The following CSGALNACT2 variants were observed in gnomAD, a reference collection of about 807,000 sequenced individuals.
CSGALNACT2 encodes chondroitin sulfate N-acetylgalactosaminyltransferase 2.
Under a neutral mutation model 55.3 loss-of-function variants are expected in CSGALNACT2, and 35 were observed. The observed-to-expected ratio is 0.63, with a 90% CI of 0.48 to 0.84. CSGALNACT2 has a LOEUF of 0.84. CSGALNACT2 is among the 40% of genes least tolerant of loss of function. The pLI is 0.00. For missense variants in CSGALNACT2, 544 were observed against 657.5 expected, an observed-to-expected ratio of 0.83 and a Z score of 1.89; for synonymous variants, 196 against 224.9, an observed-to-expected ratio of 0.87 and a Z score of 1.15.
chr10:43,168,450 C>CA (rs1372496686), intron 6 of CSGALNACT2, among the ~76,000 whole-genome samples: 1 of 151,052 alleles, frequency 6.6e-6, no homozygotes, highest in Admixed American at 6.6e-5. Flanking sequence ...GACTCCATCT[C>CA]AAAAAAACAA....
At chr10:43,161,635 A>G (rs555513576) in intron 4 of CSGALNACT2, among the ~76,000 whole-genome samples, 1 of 152,288 alleles carries the variant, frequency 6.6e-6, no homozygotes, top group South Asian at 2.1e-4. Flanking sequence ...CTTGATGTAT[A>G]TAGACACAAT....
At chr10:43,154,830 A>G (rs1838958567) in intron 1 of CSGALNACT2, 67 bp from the exon 2 acceptor site, 2 of 253,308 alleles carry the variant, frequency 7.9e-6, no homozygotes, top group South Asian at 8.6e-5. Context: ...AGTTTACTGA[A>G]GCCACAAACA....
Position 43,167,077 on chromosome 10 carries a change from A to G in CSGALNACT2, c.1233A>G (p.Pro411=). Residue 411 remains proline (P), a synonymous_variant, in exon 6 of 8, where the codon CCA becomes CCG. Transcript: ENST00000374466. ...TTGTTTATGCCAACCAGGAAGTGCCACCACCTGTGGAGCAGCAGCTGGTGA... is the reference window on the plus strand; with the variant it reads ...TTGTTTATGCCAACCAGGAAGTGCCGCCACCTGTGGAGCAGCAGCTGGTGA... ...PAIVYANQEV[P]PPVEQQLVHK... The G allele has an allele frequency of 1.2e-6, 2 of 1,611,462 alleles. No individual in the cohort carries two copies. The highest frequency in any genetic ancestry group is 8.5e-7 in the Non-Finnish European group (1 of 1,177,624).
intron 7 of CSGALNACT2, among the ~76,000 whole-genome samples, chr10:43,182,456 A>G (rs574753992): frequency 9.3e-4 from 142 of 152,280 alleles, no homozygotes; most frequent in African/African-American, 2.6e-3. Flanking sequence ...TTCCTTCAGT[A>G]ATTTCATTCA....
chr10:43,157,032 G>A (rs1055798277), intron 2 of CSGALNACT2, among the ~76,000 whole-genome samples: 1 of 152,226 alleles, frequency 6.6e-6, no homozygotes, highest in African/African-American at 2.4e-5. Context: ...ATGCTTTGCA[G>A]TGGCATTGCA....
chr10:43,142,126 C>T (rs1328312754), intron 1 of CSGALNACT2, among the ~76,000 whole-genome samples: 1 of 152,174 alleles, frequency 6.6e-6, no homozygotes, highest in Non-Finnish European at 1.5e-5. Flanking sequence ...GTATGGCTGG[C>T]TGCCTGTTTT....
At chr10:43,143,638 G>A (rs1838681525) in intron 1 of CSGALNACT2, among the ~76,000 whole-genome samples, 1 of 152,034 alleles carries the variant, frequency 6.6e-6, no homozygotes, top group Non-Finnish European at 1.5e-5. Flanking sequence ...GAAGTGTTAT[G>A]CCCAAGATTA....
chr10:43,149,483 A>ATATGG (rs1564510478), intron 1 of CSGALNACT2, among the ~76,000 whole-genome samples: 1 of 152,164 alleles, frequency 6.6e-6, no homozygotes, highest in Non-Finnish European at 1.5e-5. Flanking sequence ...TCTTCTATTG[A>ATATGG]TATGGTATAT....
At chr10:43,157,025 C>T (rs568698339) in intron 2 of CSGALNACT2, among the ~76,000 whole-genome samples, 1 of 152,352 alleles carries the variant, frequency 6.6e-6, no homozygotes, top group East Asian at 1.9e-4. Context: ...GGGCATTATG[C>T]TTTGCAGTGG....
chr10:43,182,886 C>A (rs111901684), intron 7 of CSGALNACT2, among the ~76,000 whole-genome samples: 1,804 of 146,248 alleles, frequency 0.012, 43 homozygotes, highest in African/African-American at 0.039. Context: ...AAAAAAAAAA[C>A]AAAAAAAAAA....
chr10:43,183,629 T>C lies in CSGALNACT2; in HGVS notation c.*87T>C. On this transcript the variant is annotated 3_prime_UTR_variant, in exon 8 of 8. Coordinates refer to ENST00000374466, the MANE Select transcript of CSGALNACT2 (RefSeq NM_018590.5). ...CTACTTCCAGATGCAGTGCCTCTTT[T>C]GGAGAAGACATGTTTATTTTTCATG... 9.7e-7 allele frequency: 1 copy of C among 1,027,988 alleles called. No individual in the cohort carries two copies. Among genetic ancestry groups the C allele is most frequent in the Non-Finnish European group, 1.5e-6 (1 of 681,478 alleles). 63.7% of individuals were successfully genotyped at this position (1,027,988 alleles called of 1,614,324 possible).
intron 7 of CSGALNACT2, among the ~76,000 whole-genome samples, chr10:43,177,359 T>A (rs904327562): frequency 1.3e-5 from 2 of 152,130 alleles, no homozygotes; most frequent in Non-Finnish European, 1.5e-5. Context: ...ATCACCACCA[T>A]CAAATTTAGA....
chr10:43,151,068 C>T (rs1838864767), intron 1 of CSGALNACT2, among the ~76,000 whole-genome samples: 1 of 152,074 alleles, frequency 6.6e-6, no homozygotes, highest in African/African-American at 2.4e-5. Flanking sequence ...TCATTCATAC[C>T]TCTACTTAAA....
intron 6 of CSGALNACT2, among the ~76,000 whole-genome samples, chr10:43,171,613 A>G (rs1839384728): frequency 6.6e-6 from 1 of 152,132 alleles, no homozygotes; most frequent in Non-Finnish European, 1.5e-5. Context: ...AGCCTCCCAA[A>G]GTGTTGGGAT....
intron 1 of CSGALNACT2, among the ~76,000 whole-genome samples, chr10:43,141,530 A>C (rs1838622824): frequency 6.7e-6 from 1 of 148,668 alleles, no homozygotes; most frequent in Admixed American, 6.7e-5. Flanking sequence ...TCATTTTTAA[A>C]ATTAGCAGTA....
intron 1 of CSGALNACT2, among the ~76,000 whole-genome samples, chr10:43,151,172 T>C (rs1838866242): frequency 6.6e-6 from 1 of 152,202 alleles, no homozygotes; most frequent in South Asian, 2.1e-4. Flanking sequence ...GTTCTAATCA[T>C]TGGTCAGTTT....
chr10:43,169,612 CAAGG>C (rs1438562567), intron 6 of CSGALNACT2, among the ~76,000 whole-genome samples: 2 of 152,000 alleles, frequency 1.3e-5, no homozygotes, highest in Non-Finnish European at 1.5e-5. Flanking sequence ...AAAATTAAGA[CAAGG>C]AAGATCAAGC....
intron 1 of CSGALNACT2, among the ~76,000 whole-genome samples, chr10:43,141,837 C>T (rs985539765): frequency 1.3e-5 from 2 of 152,096 alleles, no homozygotes; most frequent in Non-Finnish European, 2.9e-5. Flanking sequence ...AAATAAGTAT[C>T]AGAGGACAAA....
chr10:43,155,651 G>A lies in CSGALNACT2; in HGVS notation c.502G>A (p.Glu168Lys), dbSNP rs370782457. ...GGAAATGGGTCTCACTCGCCATCCT[G>A]AAGAAAAGCCAGTTAGAAAAGACAA... ...QLEMGLTRHP[E>K]EKPVRKDKRD... Residue 168 changes from glutamate to lysine, a missense_variant, in exon 2 of 8, where the codon GAA becomes AAA. Physicochemically the swap from Glu to Lys is moderately conservative, Grantham distance 56. Around this residue, in one of 2 missense-constraint regions of CSGALNACT2, gnomAD observed 374 missense variants for 401.3 expected, o/e 0.93. Coordinates refer to ENST00000374466, the MANE Select transcript of CSGALNACT2 (RefSeq NM_018590.5). 1 of 1,614,034 alleles carries A rather than the reference G, an allele frequency of 6.2e-7. No homozygotes were observed. The highest frequency in any genetic ancestry group is 8.5e-7 in the Non-Finnish European group (1 of 1,180,036).
Sources: allele counts gnomAD v4.1 joint callset (sites outside exome capture counted in the v4.1 genomes callset), GRCh38; gene constraint gnomAD v4.1.1; regional missense constraint gnomAD v4.1.1; transcripts MANE v1.5; gene names NCBI Gene and HGNC (gene_info 2026-07-23, HGNC 2026-07-21).